The following CAST variants were observed in gnomAD, a reference collection of about 807,000 sequenced individuals.
CAST encodes MIR583 host.
A neutral mutation model predicts 119.6 loss-of-function variants in CAST; 76 were observed. The ratio of observed to expected loss-of-function variants is 0.64; its 90% CI spans 0.53 to 0.77. The LOEUF (loss-of-function observed/expected upper bound fraction) is 0.77, where lower values mean the gene tolerates loss of function less well. Among genes scored for constraint, CAST ranks in the 30% least tolerant of loss-of-function variants. The probability of loss-of-function intolerance (pLI) is 0.00; values close to 1 mark genes in which losing one functional copy is unlikely to be tolerated. For synonymous variants in CAST, 319 were observed against 331.6 expected (o/e 0.96, Z 0.41); for missense variants, 953 against 946.5 (o/e 1.01, Z -0.09).
At position 96,766,035 on chromosome 5, in the gene CAST, TG is replaced by T; in HGVS notation, c.2038-17del. ...AGAGGAAATGAATATTAATTCTATC[TG>T]CTCACTGTTGATATAGGAAAAAGCT... On this transcript the variant is annotated splice_polypyrimidine_tract_variant and intron_variant, in intron 26 of 31. Coordinates refer to ENST00000675179, the MANE Select transcript of CAST (RefSeq NM_001750.7). 1 of 1,334,870 alleles carries T rather than the reference TG, an allele frequency of 7.5e-7. No homozygotes were observed. Among genetic ancestry groups the T allele is most frequent in the Non-Finnish European group, 1.1e-6 (1 of 932,692 alleles). 82.7% of individuals were successfully genotyped at this position (1,334,870 alleles called of 1,614,324 possible).
chr5:96,193,042 G>T, the CAST span, among the ~76,000 whole-genome samples: 1 of 152,090 alleles, frequency 6.6e-6, no homozygotes, highest in Non-Finnish European at 1.5e-5. Context: ...TCTTAATGTT[G>T]ATTTCCAGTA....
chr5:96,305,892 A>G, the CAST span, among the ~76,000 whole-genome samples: 1 of 152,218 alleles, frequency 6.6e-6, no homozygotes, highest in African/African-American at 2.4e-5. Context: ...AATGTTCATC[A>G]GGGATATTGG....
intron 1 of CAST, among the ~76,000 whole-genome samples, chr5:96,557,582 T>C (rs574130571): frequency 5.9e-5 from 9 of 152,196 alleles, no homozygotes; most frequent in African/African-American, 1.9e-4. Context: ...AAACAGACTT[T>C]AAACCAACAA....
the CAST span, chr5:96,079,206 C>T: frequency 2.3e-6 from 1 of 427,536 alleles, no homozygotes. Flanking sequence ...GGACCTACCT[C>T]TTTGGTACTT....
At chr5:96,111,224 G>A in the CAST span, among the ~76,000 whole-genome samples, 1 of 152,294 alleles carries the variant, frequency 6.6e-6, no homozygotes, top group African/African-American at 2.4e-5. Context: ...GGATACAAAT[G>A]AACAGTATGA....
At chr5:95,977,372 C>T in the CAST span, among the ~76,000 whole-genome samples, 2 of 152,242 alleles carry the variant, frequency 1.3e-5, no homozygotes, top group Non-Finnish European at 2.9e-5. Flanking sequence ...CTCTGCCCTC[C>T]TAACTTAATC....
chr5:96,539,536 T>C (rs1745876885), intron 1 of CAST, among the ~76,000 whole-genome samples: 1 of 152,186 alleles, frequency 6.6e-6, no homozygotes, highest in African/African-American at 2.4e-5. Flanking sequence ...CTTTTATTTT[T>C]GCTCTGTCTT....
intron 1 of CAST, among the ~76,000 whole-genome samples, chr5:96,563,269 C>T (rs1177563473): frequency 1.3e-5 from 2 of 152,168 alleles, no homozygotes; most frequent in Non-Finnish European, 2.9e-5. Flanking sequence ...TCCAATGTCA[C>T]ATGAAGCTTA....
chr5:96,237,018 A>C, the CAST span, among the ~76,000 whole-genome samples: 1 of 152,192 alleles, frequency 6.6e-6, no homozygotes, highest in Non-Finnish European at 1.5e-5. Flanking sequence ...TTGGTTGTAT[A>C]TTACAACTAA....
intron 1 of CAST, among the ~76,000 whole-genome samples, chr5:96,580,073 T>C (rs1254918651): frequency 1.3e-5 from 2 of 152,242 alleles, no homozygotes; most frequent in Non-Finnish European, 2.9e-5. Context: ...TTGTACATGA[T>C]ATCTTCTTCC....
upstream of CAST, among the ~76,000 whole-genome samples, chr5:96,527,063 A>G (rs1745607548): frequency 1.3e-5 from 2 of 152,214 alleles, no homozygotes; most frequent in Non-Finnish European, 2.9e-5. Flanking sequence ...TTATACATTC[A>G]TCTGGTGCTC....
At chr5:96,212,923 GC>G in the CAST span, among the ~76,000 whole-genome samples, 1 of 152,000 alleles carries the variant, frequency 6.6e-6, no homozygotes, top group Non-Finnish European at 1.5e-5. Flanking sequence ...TTTGAGACCA[GC>G]CTGGGCAACA....
intron 3 of CAST, among the ~76,000 whole-genome samples, chr5:96,711,056 T>A (rs1034749964): frequency 6.6e-5 from 10 of 152,204 alleles, no homozygotes; most frequent in Non-Finnish European, 1.5e-4. Context: ...AAAATTAGAA[T>A]TGTTTTCTTC....
intron 1 of CAST, among the ~76,000 whole-genome samples, chr5:96,599,820 C>T (rs1181462920): frequency 6.6e-6 from 1 of 151,950 alleles, no homozygotes; most frequent in Non-Finnish European, 1.5e-5. Context: ...CCAGGTACAC[C>T]CACAACCCAT....
At chr5:96,461,276 G>C in the CAST span, among the ~76,000 whole-genome samples, 2 of 152,024 alleles carry the variant, frequency 1.3e-5, no homozygotes, top group Non-Finnish European at 2.9e-5. Flanking sequence ...ATGAACATTT[G>C]AATTGTTTCC....
chr5:96,640,352 A>G (rs894994115), intron 1 of CAST, among the ~76,000 whole-genome samples: 1 of 152,230 alleles, frequency 6.6e-6, no homozygotes, highest in African/African-American at 2.4e-5. Flanking sequence ...GAGAATAAAT[A>G]GCATATGCAA....
the CAST span, chr5:96,318,666 G>C: frequency 6.6e-6 from 1 of 152,194 alleles, no homozygotes; most frequent in Non-Finnish European, 1.5e-5. Context: ...CTGAAGTCAA[G>C]GGACCAAGGT....
chr5:96,138,764 A>G, the CAST span, among the ~76,000 whole-genome samples: 1 of 151,822 alleles, frequency 6.6e-6, no homozygotes, highest in South Asian at 2.1e-4. Flanking sequence ...CCAATTGTTC[A>G]TTGCTTTTAT....
intron 19 of CAST, among the ~76,000 whole-genome samples, chr5:96,750,162 G>C (rs1367747021): frequency 6.6e-6 from 1 of 152,004 alleles, no homozygotes; most frequent in Non-Finnish European, 1.5e-5. Flanking sequence ...TTACATAATA[G>C]GCATATTTGT....
Sources: allele counts gnomAD v4.1 joint callset (sites outside exome capture counted in the v4.1 genomes callset), GRCh38; gene constraint gnomAD v4.1.1; transcripts MANE v1.5; gene names NCBI Gene and HGNC (gene_info 2026-07-23, HGNC 2026-07-21).